FRK: variants seen among roughly 807,000 people sequenced by gnomAD.
The protein encoded by FRK is fyn related Src family tyrosine kinase, also known as tyrosine-protein kinase FRK.
FRK carries 51 observed loss-of-function variants against 56.4 expected under a neutral mutation model. That is an observed-to-expected ratio of 0.90 (90% CI 0.72 to 1.14). FRK has a LOEUF of 1.14. Among genes scored for constraint, FRK ranks in the 50% most tolerant of loss-of-function variants. The probability of loss-of-function intolerance (pLI) is 0.00; values close to 1 mark genes in which losing one functional copy is unlikely to be tolerated. For missense variants in FRK, 570 were observed against 601.4 expected, an observed-to-expected ratio of 0.95 and a Z score of 0.55; for synonymous variants, 245 against 217.9, an observed-to-expected ratio of 1.12 and a Z score of -1.10.
Position 116,041,873 on chromosome 6 carries a change from T to C in FRK, c.344+18095A>G, listed in dbSNP as rs76476857. ...AGGAGTCTTTTTCATACCCCAGTGG[T>C]GCCTGGATCACCAGCGAGACAGAAC... is the stretch of plus-strand genomic sequence containing the variant. On this transcript the variant is annotated intron_variant, in intron 1 of 7. Coordinates refer to ENST00000606080, the MANE Select transcript of FRK (RefSeq NM_002031.3). Among the ~76,000 whole-genome samples, 647 of 152,184 alleles carry C rather than the reference T, an allele frequency of 4.3e-3. 7 individuals carry two copies. Among genetic ancestry groups the C allele is most frequent in the African/African-American group, 0.015 (628 of 41,530 alleles).
At chr6:115,971,808 A>T (rs1039181710) in intron 2 of FRK, among the ~76,000 whole-genome samples, 1 of 152,214 alleles carries the variant, frequency 6.6e-6, no homozygotes, top group East Asian at 1.9e-4. Context: ...AAAAGGCAGC[A>T]GTGGAAACAT....
In FRK at chr6:115,931,745, A is replaced by G. The variant is rs1209852019; in HGVS notation, c.*10669T>C. ...AGCAGTTTTCTTTTTCACAAATAGTATAATTGAAGCCTCTATTCTAAAATA... is the reference window on the plus strand; with the variant it reads ...AGCAGTTTTCTTTTTCACAAATAGTGTAATTGAAGCCTCTATTCTAAAATA... On this transcript the variant is annotated 3_prime_UTR_variant, in exon 8 of 8. Coordinates refer to ENST00000606080, the MANE Select transcript of FRK (RefSeq NM_002031.3). The G allele has an allele frequency of 6.6e-6, 1 of 152,228 alleles. No individual in the cohort carries two copies. The highest frequency in any genetic ancestry group is 1.9e-4 in the East Asian group (1 of 5,204). The allele number at this position is 152,228 out of a possible 1,614,324, so 9.4% of individuals were successfully genotyped here.
chr6:116,004,087 C>A, intron 1 of FRK, 89 bp from the exon 2 acceptor site: 1 of 1,181,992 alleles, frequency 8.5e-7, no homozygotes, highest in Non-Finnish European at 1.2e-6. Context: ...ATTCTAATAT[C>A]AAAAATGTTT....
the FRK span, among the ~76,000 whole-genome samples, chr6:116,089,390 C>A: frequency 6.6e-6 from 1 of 152,204 alleles, no homozygotes; most frequent in Non-Finnish European, 1.5e-5. Context: ...CCAAAATGAA[C>A]TCTAGACTCT....
chr6:116,043,730 C>T (rs1020804125), intron 1 of FRK, among the ~76,000 whole-genome samples: 1 of 152,008 alleles, frequency 6.6e-6, no homozygotes, highest in Non-Finnish European at 1.5e-5. Flanking sequence ...CAAGAAATAA[C>T]TGAGATCCAA....
the FRK span, among the ~76,000 whole-genome samples, chr6:116,078,764 C>A: frequency 5.9e-5 from 9 of 152,188 alleles, no homozygotes; most frequent in African/African-American, 1.9e-4. Context: ...CTCCCAGTGC[C>A]AAACACTTTC....
Position 116,032,368 on chromosome 6 carries a change from T to C in FRK, c.344+27600A>G, listed in dbSNP as rs185562229. 6.3e-4 allele frequency among the ~76,000 whole-genome samples: 96 copies of C among 152,162 alleles called. 2 individuals carry two copies. Among genetic ancestry groups the C allele is most frequent in the Non-Finnish European group, 5.9e-4 (40 of 67,956 alleles). On this transcript the variant is annotated intron_variant, in intron 1 of 7. Coordinates refer to ENST00000606080, the MANE Select transcript of FRK (RefSeq NM_002031.3). ...TCTCTTACATGTAAATGAGAAAAGA[T>C]TGACATTTAAGATAAAAAGAGGCAA...
chr6:116,076,814 A>G, the FRK span, among the ~76,000 whole-genome samples: 5 of 152,228 alleles, frequency 3.3e-5, no homozygotes, highest in South Asian at 1.0e-3. Context: ...TGATTCTCTA[A>G]GTTAAAATAA....
the FRK span, among the ~76,000 whole-genome samples, chr6:116,091,931 T>C: frequency 4.6e-4 from 70 of 152,258 alleles, 1 homozygote; most frequent in African/African-American, 1.6e-3. Flanking sequence ...TTCAAAGTCA[T>C]GTCACCCAAG....
At chr6:115,959,830 C>A (rs1319012504) in intron 4 of FRK, among the ~76,000 whole-genome samples, 1 of 152,148 alleles carries the variant, frequency 6.6e-6, no homozygotes, top group Non-Finnish European at 1.5e-5. Context: ...GAGGGCAGAG[C>A]CAGGTTTAAA....
intron 1 of FRK, among the ~76,000 whole-genome samples, chr6:116,035,764 A>G (rs1468551056): frequency 2.0e-5 from 3 of 152,042 alleles, no homozygotes; most frequent in African/African-American, 4.8e-5. Flanking sequence ...TTTTTTTTCA[A>G]CATTGCTGGC....
intron 2 of FRK, among the ~76,000 whole-genome samples, chr6:115,979,310 G>A (rs1445544200): frequency 6.6e-6 from 1 of 151,950 alleles, no homozygotes; most frequent in African/African-American, 2.4e-5. Context: ...GTGTGTTTAT[G>A]CCTTTGTTTT....
rs1562255741 is a variant in FRK, at chr6:115,956,717, A to G, written c.800-107T>C. 3 of 842,066 alleles carry G rather than the reference A, an allele frequency of 3.6e-6. No homozygotes were observed. The East Asian group carries it at 8.0e-5, about 22-fold the overall frequency. 52.2% of individuals were successfully genotyped at this position (842,066 alleles called of 1,614,324 possible). On this transcript the variant is annotated intron_variant, in intron 4 of 7. Coordinates refer to ENST00000606080, the MANE Select transcript of FRK (RefSeq NM_002031.3). ...TTGCCTCCTGCTTCTCAGTAGAGTAAGAGCCTCAGTATCACAAATCTTCAG... is the reference window on the plus strand; with the variant it reads ...TTGCCTCCTGCTTCTCAGTAGAGTAGGAGCCTCAGTATCACAAATCTTCAG...
the FRK span, among the ~76,000 whole-genome samples, chr6:116,074,965 C>T: frequency 1.3e-5 from 2 of 152,130 alleles, no homozygotes; most frequent in Non-Finnish European, 2.9e-5. Flanking sequence ...ATATATACTG[C>T]TCTGGGACCT....
In FRK at chr6:116,005,996, AC is replaced by A. The variant is rs1775234215; in HGVS notation, c.345-1999del. Among the ~76,000 whole-genome samples, 3 of 152,296 alleles carry A rather than the reference AC, an allele frequency of 2.0e-5. No individual in the cohort carries two copies. In the South Asian group the frequency reaches 6.2e-4, roughly 32 times the overall value. ...AAGACAAAAACAAAAAGACATACAA[AC>A]CTTAGGGAAAAGATTGATAATATTT... On this transcript the variant is annotated intron_variant, in intron 1 of 7. Transcript: ENST00000606080.
intron 2 of FRK, among the ~76,000 whole-genome samples, chr6:116,000,165 G>T (rs1337851703): frequency 2.1e-5 from 3 of 143,626 alleles, no homozygotes; most frequent in South Asian, 2.3e-4. Context: ...ATTATTCAAA[G>T]ATATAATTCA....
At chr6:116,072,904 G>A in the FRK span, among the ~76,000 whole-genome samples, 7 of 152,300 alleles carry the variant, frequency 4.6e-5, no homozygotes, top group African/African-American at 1.7e-4. Context: ...AAAAGGCTTA[G>A]GGTGCTCCCT....
intron 2 of FRK, among the ~76,000 whole-genome samples, chr6:115,970,278 C>G (rs1773753018): frequency 6.6e-6 from 1 of 152,172 alleles, no homozygotes; most frequent in Non-Finnish European, 1.5e-5. Context: ...TTTTCCTTAT[C>G]TACTAGAGTT....
intron 2 of FRK, among the ~76,000 whole-genome samples, chr6:115,991,082 T>G: frequency 6.6e-6 from 1 of 151,766 alleles, no homozygotes; most frequent in Non-Finnish European, 1.5e-5. Context: ...GACTGCTGTT[T>G]GTGTATAAAG....
Sources: gnomAD v4.1 joint callset for allele counts (sites outside exome capture counted in the v4.1 genomes callset) on GRCh38, gnomAD v4.1.1 for gene constraint, MANE v1.5 for transcripts, NCBI Gene and HGNC (gene_info 2026-07-23, HGNC 2026-07-21) for gene names.